NLGN4X: variants seen among roughly 807,000 people sequenced by gnomAD.
NLGN4X encodes neuroligin 4 X-linked, also known as neuroligin-4, X-linked.
Under a neutral mutation model 40.3 loss-of-function variants are expected in NLGN4X, and 3 were observed. The observed-to-expected ratio is 0.07, with a 90% CI of 0.03 to 0.19. NLGN4X has a LOEUF of 0.19. NLGN4X is among the 10% of genes least tolerant of loss of function. The pLI is 1.00. For synonymous variants in NLGN4X, 270 were observed against 306.8 expected (o/e 0.88, Z 1.25); for missense variants, 382 against 708.3 (o/e 0.54, Z 5.23).
intron 3 of NLGN4X, among the ~76,000 whole-genome samples, chrX:6,003,800 C>A (rs756970608): frequency 8.9e-6 from 1 of 112,350 alleles, no homozygotes; most frequent in Non-Finnish European, 1.9e-5. Flanking sequence ...ACGGTCTCTG[C>A]GGATGGCAAA....
intron 3 of NLGN4X, among the ~76,000 whole-genome samples, chrX:5,966,525 G>A (rs2034838838): frequency 8.9e-6 from 1 of 112,517 alleles, no homozygotes; most frequent in Admixed American, 9.4e-5. Context: ...AATAGTCAAT[G>A]ACTACTGTAA....
At chrX:6,107,386 C>A (rs1260881798) in intron 2 of NLGN4X, among the ~76,000 whole-genome samples, 1 of 111,135 alleles carries the variant, frequency 9.0e-6, no homozygotes, top group Non-Finnish European at 1.9e-5. Context: ...GAGGTTACCC[C>A]CAGTAAACTA....
intron 3 of NLGN4X, among the ~76,000 whole-genome samples, chrX:5,989,560 G>A (rs1394209786): frequency 7.1e-5 from 8 of 112,329 alleles, no homozygotes; most frequent in Non-Finnish European, 3.8e-5. Flanking sequence ...GTAAGAATAC[G>A]CATTGCTAAA....
At chrX:6,080,468 G>A (rs2038319611) in intron 2 of NLGN4X, among the ~76,000 whole-genome samples, 1 of 111,963 alleles carries the variant, frequency 8.9e-6, no homozygotes, top group African/African-American at 3.3e-5. Context: ...TCCCCTGGGA[G>A]TCCATGACTG....
chrX:5,955,070 A>G (rs978303577), intron 3 of NLGN4X, among the ~76,000 whole-genome samples: 2 of 112,236 alleles, frequency 1.8e-5, no homozygotes, highest in Non-Finnish European at 3.8e-5. Context: ...TTTTTTTAAA[A>G]CTTGCAATGA....
chrX:6,112,124 GATCAGTCTCAGATT>G (rs2039162020), intron 2 of NLGN4X, among the ~76,000 whole-genome samples: 1 of 111,508 alleles, frequency 9.0e-6, no homozygotes, highest in South Asian at 3.8e-4. Flanking sequence ...AATTAAAAAT[GATCAGTCTCAGATT>G]ATTTCCTACA....
intron 2 of NLGN4X, among the ~76,000 whole-genome samples, chrX:6,029,898 C>G (rs769509820): frequency 4.0e-4 from 45 of 111,114 alleles, no homozygotes; most frequent in African/African-American, 1.4e-3. Context: ...ACAGATTCAT[C>G]TTCAATTTAA....
chrX:6,088,280 TTTC>T (rs1244922926), intron 2 of NLGN4X, among the ~76,000 whole-genome samples: 3 of 112,445 alleles, frequency 2.7e-5, no homozygotes, highest in Non-Finnish European at 3.8e-5. Flanking sequence ...CTTCATTGTC[TTTC>T]TTAAGCCCCT....
intron 3 of NLGN4X, among the ~76,000 whole-genome samples, chrX:5,996,951 T>G (rs1029756606): frequency 9.0e-6 from 1 of 111,510 alleles, no homozygotes; most frequent in Admixed American, 9.6e-5. Flanking sequence ...ACATGGCTAA[T>G]TCTTGCGTAG....
At chrX:6,047,357 G>A (rs1183583866) in intron 2 of NLGN4X, among the ~76,000 whole-genome samples, 3 of 111,513 alleles carry the variant, frequency 2.7e-5, no homozygotes, top group Admixed American at 1.9e-4. Context: ...TGCACCTGCA[G>A]TCCCAGCTAC....
At chrX:6,032,651 A>G in intron 2 of NLGN4X, 1 of 972,857 alleles carries the variant, frequency 1.0e-6, no homozygotes, top group Non-Finnish European at 1.4e-6. Flanking sequence ...TAGATATAAA[A>G]TCATGCACTG....
chrX:6,163,445 T>C (rs1301562079), intron 1 of NLGN4X, among the ~76,000 whole-genome samples: 3 of 111,877 alleles, frequency 2.7e-5, no homozygotes, highest in Non-Finnish European at 5.6e-5. Context: ...TGCCTTTCAA[T>C]TGCTACAATT....
intron 3 of NLGN4X, among the ~76,000 whole-genome samples, chrX:5,974,225 A>G (rs751250373): frequency 8.9e-6 from 1 of 112,462 alleles, no homozygotes; most frequent in Admixed American, 9.4e-5. Flanking sequence ...TTTAAACCAC[A>G]TGCACAATTA....
chrX:6,156,668 C>CTCA (rs2040273992), intron 1 of NLGN4X, among the ~76,000 whole-genome samples: 1 of 110,770 alleles, frequency 9.0e-6, no homozygotes, highest in Admixed American at 9.6e-5. Flanking sequence ...ACATTGGGTA[C>CTCA]TCATGGACAT....
chrX:5,971,889 A>G (rs1295494757), intron 3 of NLGN4X, among the ~76,000 whole-genome samples: 1 of 111,724 alleles, frequency 9.0e-6, no homozygotes, highest in Non-Finnish European at 1.9e-5. Flanking sequence ...AGTGCATAGA[A>G]AAAGTGAAGG....
intron 5 of NLGN4X, among the ~76,000 whole-genome samples, chrX:5,901,452 T>C (rs774897829): frequency 8.9e-5 from 10 of 111,791 alleles, no homozygotes; most frequent in Admixed American, 9.5e-5. Flanking sequence ...ATTTCCACAG[T>C]TACATTATTA....
chrX:6,051,600 T>C (rs2037494583), intron 2 of NLGN4X, among the ~76,000 whole-genome samples: 1 of 110,271 alleles, frequency 9.1e-6, no homozygotes, highest in Admixed American at 9.6e-5. Flanking sequence ...AGGAACAAAT[T>C]CTCCCTCGGA....
At chrX:5,906,403 T>A (rs2032179013) in intron 4 of NLGN4X, among the ~76,000 whole-genome samples, 1 of 112,283 alleles carries the variant, frequency 8.9e-6, no homozygotes, top group Admixed American at 9.4e-5. Flanking sequence ...TCATCTGTCC[T>A]ATCTTGCCAA....
intron 1 of NLGN4X, among the ~76,000 whole-genome samples, chrX:6,206,948 G>T (rs1924087000): frequency 9.1e-6 from 1 of 110,354 alleles, no homozygotes; most frequent in Non-Finnish European, 1.9e-5. Context: ...AAAATTAGAG[G>T]GTAAGAATCA....
Sources: gnomAD v4.1 joint callset for allele counts (sites outside exome capture counted in the v4.1 genomes callset) on GRCh38, gnomAD v4.1.1 for gene constraint, MANE v1.5 for transcripts, NCBI Gene and HGNC (gene_info 2026-07-23, HGNC 2026-07-21) for gene names.